The following SLC4A10 variants were observed in gnomAD, a reference collection of about 807,000 sequenced individuals.
SLC4A10 encodes the protein solute carrier family 4 member 10.
In SLC4A10, 42 loss-of-function variants were observed where a neutral mutation model predicts 137.7. The ratio of observed to expected loss-of-function variants is 0.30; its 90% CI spans 0.24 to 0.39. The LOEUF is 0.39. SLC4A10 is among the 10% of genes least tolerant of loss of function. The probability of loss-of-function intolerance (pLI) is 1.00; values close to 1 mark genes in which losing one functional copy is unlikely to be tolerated. For synonymous variants in SLC4A10, 474 were observed against 464.1 expected (o/e 1.02, Z -0.27); for missense variants, 925 against 1,355.0 (o/e 0.68, Z 4.98).
chr2:161,755,331 A>C (rs959946618), intron 1 of SLC4A10, among the ~76,000 whole-genome samples: 11 of 152,198 alleles, frequency 7.2e-5, no homozygotes, highest in African/African-American at 2.7e-4. Flanking sequence ...ACTGAGATTA[A>C]TTTCTTTTAC....
intron 3 of SLC4A10, among the ~76,000 whole-genome samples, chr2:161,827,210 A>G (rs1011024323): frequency 2.0e-5 from 3 of 152,056 alleles, no homozygotes; most frequent in African/African-American, 4.8e-5. Flanking sequence ...CAAGACTTTC[A>G]TTTTGAGTCA....
chr2:161,843,948 A>G (rs972556002), intron 4 of SLC4A10, among the ~76,000 whole-genome samples: 1 of 152,162 alleles, frequency 6.6e-6, no homozygotes, highest in East Asian at 1.9e-4. Flanking sequence ...TATTTAATAA[A>G]TGTTCGTAAA....
intron 1 of SLC4A10, among the ~76,000 whole-genome samples, chr2:161,652,350 A>G (rs748281866): frequency 2.0e-5 from 3 of 152,266 alleles, no homozygotes; most frequent in South Asian, 4.1e-4. Flanking sequence ...TTCTTGCTCA[A>G]ATTGTTACAG....
chr2:161,650,006 T>G (rs1186867261), intron 1 of SLC4A10, among the ~76,000 whole-genome samples: 5 of 152,216 alleles, frequency 3.3e-5, no homozygotes, highest in Admixed American at 3.3e-4. Context: ...GGAATTAACA[T>G]TGGTGTATTA....
At chr2:161,751,721 A>C (rs886140954) in intron 1 of SLC4A10, among the ~76,000 whole-genome samples, 2 of 151,748 alleles carry the variant, frequency 1.3e-5, no homozygotes, top group Non-Finnish European at 3.0e-5. Flanking sequence ...CTTTTTAATT[A>C]ATCTAATCTC....
chr2:161,872,239 T>C (rs994736391), intron 6 of SLC4A10, 54 bp from the exon 7 acceptor site: 8 of 1,379,440 alleles, frequency 5.8e-6, no homozygotes, highest in East Asian at 4.6e-5. Context: ...TCACTCAGTA[T>C]GTCTACAACT....
Position 161,984,209 on chromosome 2 carries a change from A to G in SLC4A10, c.*1057A>G, listed in dbSNP as rs886110659. 4 of 151,592 alleles carry G rather than the reference A, an allele frequency of 2.6e-5. No individual in the cohort carries two copies. Among genetic ancestry groups the G allele is most frequent in the South Asian group, 4.2e-4 (2 of 4,802 alleles). The allele number at this position is 151,592 out of a possible 1,614,324, so 9.4% of individuals were successfully genotyped here. A position where few individuals can be genotyped will look rare whatever the true frequency, so the allele number is the denominator to read the frequency against. On this transcript the variant is annotated 3_prime_UTR_variant, in exon 27 of 27. Coordinates refer to ENST00000446997, the MANE Select transcript of SLC4A10 (RefSeq NM_001178015.2). ...TTTTTCTGCAGAGTTTTTTTTTTCC[A>G]CTTTTAAATTAAATGCATGTTGTGG...
chr2:161,680,412 T>G (rs2040726006), intron 1 of SLC4A10, among the ~76,000 whole-genome samples: 1 of 152,056 alleles, frequency 6.6e-6, no homozygotes, highest in Non-Finnish European at 1.5e-5. Flanking sequence ...TAACATTGTG[T>G]GTACAGGGAA....
At chr2:161,952,602 G>A (rs1160633680) in intron 19 of SLC4A10, among the ~76,000 whole-genome samples, 1 of 152,194 alleles carries the variant, frequency 6.6e-6, no homozygotes, top group Non-Finnish European at 1.5e-5. Context: ...AAATGATACA[G>A]CAAATCTGGC....
intron 1 of SLC4A10, among the ~76,000 whole-genome samples, chr2:161,734,632 G>A (rs945918165): frequency 1.3e-5 from 2 of 151,942 alleles, no homozygotes; most frequent in Non-Finnish European, 2.9e-5. Context: ...TTATCTTAAA[G>A]TAACTTTTAA....
At chr2:161,640,695 T>C (rs1440342655) in intron 1 of SLC4A10, among the ~76,000 whole-genome samples, 1 of 150,382 alleles carries the variant, frequency 6.6e-6, no homozygotes, top group East Asian at 2.0e-4. Flanking sequence ...CATGTTGCTC[T>C]TGCTGGAGTG....
chr2:161,980,234 G>A (rs1211955889), intron 26 of SLC4A10, among the ~76,000 whole-genome samples: 4 of 152,064 alleles, frequency 2.6e-5, no homozygotes, highest in South Asian at 2.1e-4. Flanking sequence ...GGGACTATCC[G>A]CTCTACCCCC....
At chr2:161,858,900 T>G (rs900393081) in intron 5 of SLC4A10, among the ~76,000 whole-genome samples, 1 of 152,200 alleles carries the variant, frequency 6.6e-6, no homozygotes, top group Non-Finnish European at 1.5e-5. Flanking sequence ...TCTGTAGAGT[T>G]GGGAGTATAG....
At chr2:161,858,139 G>T (rs2060208064) in intron 5 of SLC4A10, among the ~76,000 whole-genome samples, 1 of 152,014 alleles carries the variant, frequency 6.6e-6, no homozygotes, top group African/African-American at 2.4e-5. Context: ...ACATACATTA[G>T]TCACTAGTTT....
chr2:161,781,163 C>G (rs569859164), intron 2 of SLC4A10, among the ~76,000 whole-genome samples: 60 of 152,132 alleles, frequency 3.9e-4, no homozygotes, highest in African/African-American at 1.3e-3. Flanking sequence ...AGCCAGAGGA[C>G]AGAGCAGCAG....
At chr2:161,881,144 A>G (rs2061748673) in intron 9 of SLC4A10, among the ~76,000 whole-genome samples, 1 of 152,082 alleles carries the variant, frequency 6.6e-6, no homozygotes, top group African/African-American at 2.4e-5. Flanking sequence ...GTTTCTTATT[A>G]TCCTTTTTTT....
At chr2:161,824,663 T>TTA (rs2057893993) in intron 3 of SLC4A10, among the ~76,000 whole-genome samples, 1 of 152,152 alleles carries the variant, frequency 6.6e-6, no homozygotes, top group Non-Finnish European at 1.5e-5. Flanking sequence ...CAAATTCACA[T>TTA]TAGACAATCT....
rs150664859 is a variant in SLC4A10, at chr2:161,810,986, G to T, written c.277+6391G>T. 5.0e-3 allele frequency among the ~76,000 whole-genome samples: 756 copies of T among 151,990 alleles called. 5 individuals carry two copies. Among genetic ancestry groups the T allele is most frequent in the African/African-American group, 0.017 (701 of 41,490 alleles). Reference sequence around the variant, plus strand: ...TCTAGTAGAATTCAGCTGTGAATCCGCCTGGTTCAGGGCTTTTTTTGGTTG... The same window carrying T: ...TCTAGTAGAATTCAGCTGTGAATCCTCCTGGTTCAGGGCTTTTTTTGGTTG... On this transcript the variant is annotated intron_variant, in intron 3 of 26. Transcript: ENST00000446997.
intron 1 of SLC4A10, among the ~76,000 whole-genome samples, chr2:161,678,293 C>A (rs2040477877): frequency 6.6e-6 from 1 of 152,058 alleles, no homozygotes; most frequent in Non-Finnish European, 1.5e-5. Flanking sequence ...AAGAGATAAA[C>A]AAAATGCTTT....
Sources: gnomAD v4.1 joint callset for allele counts (sites outside exome capture counted in the v4.1 genomes callset) on GRCh38, gnomAD v4.1.1 for gene constraint, MANE v1.5 for transcripts, NCBI Gene and HGNC (gene_info 2026-07-23, HGNC 2026-07-21) for gene names.